Variants in LRP1B observed in about 807,000 individuals in gnomAD.
LRP1B encodes LDL receptor related protein 1B.
Under a neutral mutation model 556.6 loss-of-function variants are expected in LRP1B, and 217 were observed. That is an observed-to-expected ratio of 0.39 (90% CI 0.35 to 0.44). LRP1B has a LOEUF of 0.44. LRP1B is among the 20% of genes least tolerant of loss of function. The probability of loss-of-function intolerance (pLI) is 1.00; values close to 1 mark genes in which losing one functional copy is unlikely to be tolerated. For synonymous variants in LRP1B, 2,047 were observed against 1,865.8 expected (o/e 1.10, Z -2.50); for missense variants, 5,053 against 5,620.8 (o/e 0.90, Z 3.23).
intron 35 of LRP1B, among the ~76,000 whole-genome samples, chr2:140,748,113 AT>A (rs1688383002): frequency 1.3e-4 from 17 of 132,178 alleles, no homozygotes; most frequent in Admixed American, 4.9e-4. Context: ...ATATATATAT[AT>A]ATATATATAT....
intron 3 of LRP1B, among the ~76,000 whole-genome samples, chr2:141,393,634 G>A (rs945635367): frequency 2.0e-5 from 3 of 152,108 alleles, no homozygotes; most frequent in African/African-American, 7.2e-5. Flanking sequence ...CAAAAAGTCA[G>A]TGAGCTCAGG....
At chr2:141,166,266 T>C (rs1315458244) in intron 7 of LRP1B, among the ~76,000 whole-genome samples, 1 of 151,918 alleles carries the variant, frequency 6.6e-6, no homozygotes, top group African/African-American at 2.4e-5. Flanking sequence ...CTCTACGTTC[T>C]CACTTTCCTT....
At chr2:141,351,809 T>A (rs147897035) in intron 3 of LRP1B, among the ~76,000 whole-genome samples, 1 of 152,016 alleles carries the variant, frequency 6.6e-6, no homozygotes, top group African/African-American at 2.4e-5. Flanking sequence ...GATTAGAAGA[T>A]GTGATGTGGA....
chr2:140,926,340 T>C (rs1008918356), intron 20 of LRP1B, among the ~76,000 whole-genome samples: 5 of 152,030 alleles, frequency 3.3e-5, no homozygotes, highest in African/African-American at 1.2e-4. Flanking sequence ...TTAATGTCCA[T>C]GATTTTTGCT....
At chr2:141,455,853 A>G (rs1337402228) in intron 3 of LRP1B, among the ~76,000 whole-genome samples, 2 of 152,110 alleles carry the variant, frequency 1.3e-5, no homozygotes, top group Non-Finnish European at 2.9e-5. Context: ...ATTATCTATC[A>G]TTCAAAGAAT....
chr2:141,443,121 T>G (rs1393408346), intron 3 of LRP1B, among the ~76,000 whole-genome samples: 3 of 152,186 alleles, frequency 2.0e-5, no homozygotes, highest in African/African-American at 7.2e-5. Flanking sequence ...TGATCACCAT[T>G]CTAACTGGCA....
At chr2:141,620,493 A>G (rs1436641321) in intron 2 of LRP1B, among the ~76,000 whole-genome samples, 1 of 152,224 alleles carries the variant, frequency 6.6e-6, no homozygotes, top group Non-Finnish European at 1.5e-5. Context: ...GAGGCAATAC[A>G]GGTTTTATTC....
At position 140,664,815 on chromosome 2, in the gene LRP1B, T is replaced by G. The variant is rs148676380; in HGVS notation, c.6799+35435A>C. Reference sequence around the variant, plus strand: ...GATAATCCAATGTCATATTACTGTGTAGTGGCTTTAAACAAACAGAAAAAC... The same window carrying G: ...GATAATCCAATGTCATATTACTGTGGAGTGGCTTTAAACAAACAGAAAAAC... On this transcript the variant is annotated intron_variant, in intron 41 of 90. Coordinates refer to ENST00000389484, the MANE Select transcript of LRP1B (RefSeq NM_018557.3). Among the ~76,000 whole-genome samples the G allele has an allele frequency of 1.0e-3, 152 of 152,166 alleles. 2 individuals are homozygous for G. In the East Asian group the frequency reaches 0.028, roughly 28 times the overall value.
intron 1 of LRP1B, among the ~76,000 whole-genome samples, chr2:141,954,951 C>A (rs982602087): frequency 1.3e-5 from 2 of 152,038 alleles, no homozygotes; most frequent in Admixed American, 6.6e-5. Flanking sequence ...TAAAGAATAA[C>A]AAAATGATCG....
At chr2:141,848,926 T>C (rs1195735537) in intron 1 of LRP1B, among the ~76,000 whole-genome samples, 4 of 151,552 alleles carry the variant, frequency 2.6e-5, no homozygotes, top group African/African-American at 7.2e-5. Flanking sequence ...GCCTGGCACA[T>C]AGTAAATGTT....
chr2:141,028,310 A>T (rs1483742086), intron 11 of LRP1B, among the ~76,000 whole-genome samples: 2 of 151,698 alleles, frequency 1.3e-5, no homozygotes, highest in Non-Finnish European at 2.9e-5. Flanking sequence ...ATAATAACTT[A>T]TTCATATAAG....
chr2:141,488,928 T>C (rs1683217671), intron 2 of LRP1B, among the ~76,000 whole-genome samples: 1 of 151,642 alleles, frequency 6.6e-6, no homozygotes, highest in Admixed American at 6.6e-5. Context: ...TAACGTACCA[T>C]TAACCTGATT....
intron 83 of LRP1B, among the ~76,000 whole-genome samples, chr2:140,303,158 G>C (rs1683915059): frequency 6.7e-6 from 1 of 150,276 alleles, no homozygotes; most frequent in Non-Finnish European, 1.5e-5. Context: ...TTTCTTCATA[G>C]ATAGAAATTC....
intron 3 of LRP1B, among the ~76,000 whole-genome samples, chr2:141,416,029 G>C (rs1691088135): frequency 6.6e-6 from 1 of 152,198 alleles, no homozygotes; most frequent in African/African-American, 2.4e-5. Flanking sequence ...TCTAATAGTA[G>C]AGTGATGATA....
Position 141,252,265 on chromosome 2 carries a change from C to T in LRP1B, c.463+2257G>A, listed in dbSNP as rs532652066. 1.4e-4 allele frequency among the ~76,000 whole-genome samples: 17 copies of T among 123,674 alleles called. No homozygotes were observed. The South Asian group carries it at 4.3e-3, about 31-fold the overall frequency. 81.1% of individuals were successfully genotyped at this position (123,674 alleles called of 152,430 possible). A position where few individuals can be genotyped will look rare whatever the true frequency, so the allele number is the denominator to read the frequency against. ...AGCTACAATGGCAAATAAAGGAAAA[C>T]ATTCAGTGAATCCTTGTTTCAGAGT... On this transcript the variant is annotated intron_variant, in intron 4 of 90. Coordinates refer to ENST00000389484, the MANE Select transcript of LRP1B (RefSeq NM_018557.3).
At chr2:140,842,569 TTTC>T (rs1416778633) in intron 29 of LRP1B, among the ~76,000 whole-genome samples, 3 of 152,198 alleles carry the variant, frequency 2.0e-5, no homozygotes, top group African/African-American at 7.2e-5. Context: ...AAACTTCACA[TTTC>T]TTCTTATTTT....
intron 86 of LRP1B, chr2:140,269,158 AT>A: frequency 2.4e-6 from 1 of 410,080 alleles, no homozygotes; most frequent in Non-Finnish European, 5.0e-6. Context: ...GAGCCCCGAG[AT>A]TAAGTATACT....
chr2:140,281,293 T>A (rs1174381349), intron 84 of LRP1B, among the ~76,000 whole-genome samples: 1 of 151,998 alleles, frequency 6.6e-6, no homozygotes. Flanking sequence ...TGCATTTAAC[T>A]TATTTCCCTA....
chr2:141,071,706 A>G (rs938276560), intron 7 of LRP1B, among the ~76,000 whole-genome samples: 2 of 152,192 alleles, frequency 1.3e-5, no homozygotes, highest in Admixed American at 1.3e-4. Context: ...CTTATACACC[A>G]ATAACAGACA....
Sources: gnomAD v4.1 joint callset for allele counts (sites outside exome capture counted in the v4.1 genomes callset) on GRCh38, gnomAD v4.1.1 for gene constraint, MANE v1.5 for transcripts, NCBI Gene and HGNC (gene_info 2026-07-23, HGNC 2026-07-21) for gene names.